Variants in UBE2G1 observed in about 807,000 individuals in gnomAD.
The protein encoded by UBE2G1 is ubiquitin-conjugating enzyme E2 G1.
A neutral mutation model predicts 22.7 loss-of-function variants in UBE2G1; 5 were observed. The observed-to-expected ratio is 0.22, with a 90% CI of 0.12 to 0.46. UBE2G1 has a LOEUF of 0.46. UBE2G1 is among the 20% of genes least tolerant of loss of function. The pLI is 0.99. For missense variants in UBE2G1, 88 were observed against 203.9 expected, an observed-to-expected ratio of 0.43 and a Z score of 3.46; for synonymous variants, 74 against 67.5, an observed-to-expected ratio of 1.10 and a Z score of -0.47.
At chr17:4,357,394 G>C (rs1473201779) in intron 1 of UBE2G1, among the ~76,000 whole-genome samples, 3 of 151,388 alleles carry the variant, frequency 2.0e-5, no homozygotes, top group African/African-American at 7.3e-5. Context: ...ACAAGGTTCA[G>C]GACTATCAGT....
At chr17:4,347,249 T>C (rs1191769163) in intron 1 of UBE2G1, among the ~76,000 whole-genome samples, 1 of 152,124 alleles carries the variant, frequency 6.6e-6, no homozygotes, top group Non-Finnish European at 1.5e-5. Context: ...AATATTTGCA[T>C]ACACATAATG....
At chr17:4,350,354 G>A (rs184960975) in intron 1 of UBE2G1, among the ~76,000 whole-genome samples, 1 of 152,144 alleles carries the variant, frequency 6.6e-6, no homozygotes, top group Admixed American at 6.5e-5. Context: ...AGCTACTCAG[G>A]TGGCTGAGGT....
chr17:4,309,055 T>C (rs1969278736), intron 1 of UBE2G1, among the ~76,000 whole-genome samples: 1 of 151,548 alleles, frequency 6.6e-6, no homozygotes, highest in Non-Finnish European at 1.5e-5. Flanking sequence ...AGGTCAGGAG[T>C]TCAAGACCAG....
At chr17:4,273,752 G>C (rs1195330390) in intron 5 of UBE2G1, among the ~76,000 whole-genome samples, 10 of 152,096 alleles carry the variant, frequency 6.6e-5, no homozygotes, top group African/African-American at 2.4e-4. Flanking sequence ...AGCAGAAAAG[G>C]AAACACCTAT....
Position 4,298,610 on chromosome 17 carries a change from T to A in UBE2G1, c.150-1796A>T, listed in dbSNP as rs906169293. ...GAATAATTAGGAAATGCCACAGGAC[T>A]CAGAGTATAAAGTCAGTGACCTTGA... On this transcript the variant is annotated intron_variant, in intron 2 of 5. Transcript: ENST00000396981. 1.6e-4 allele frequency among the ~76,000 whole-genome samples: 24 copies of A among 152,242 alleles called. No individual in the cohort carries two copies. The East Asian group carries it at 4.6e-3, about 29-fold the overall frequency.
chr17:4,359,461 GAACAT>G (rs1567531874), intron 1 of UBE2G1, among the ~76,000 whole-genome samples: 1 of 152,114 alleles, frequency 6.6e-6, no homozygotes, highest in Non-Finnish European at 1.5e-5. Flanking sequence ...TGCAAATCTA[GAACAT>G]AACTTTATAA....
chr17:4,337,999 T>C (rs1252601874), intron 1 of UBE2G1, among the ~76,000 whole-genome samples: 1 of 151,748 alleles, frequency 6.6e-6, no homozygotes, highest in Non-Finnish European at 1.5e-5. Flanking sequence ...TGAAAACCCA[T>C]CTCTACTAAA....
chr17:4,355,812 C>G (rs545258217), intron 1 of UBE2G1, among the ~76,000 whole-genome samples: 15 of 145,382 alleles, frequency 1.0e-4, no homozygotes, highest in African/African-American at 3.8e-4. Flanking sequence ...GCGATTCTCC[C>G]GCCTCAGCCT....
intron 4 of UBE2G1, among the ~76,000 whole-genome samples, chr17:4,287,295 C>T (rs989069355): frequency 4.0e-5 from 6 of 151,572 alleles, no homozygotes; most frequent in South Asian, 2.1e-4. Context: ...TTAGTTAAGA[C>T]GGGGTTTCAC....
intron 4 of UBE2G1, among the ~76,000 whole-genome samples, chr17:4,286,585 C>T (rs1452949694): frequency 1.3e-5 from 2 of 152,142 alleles, no homozygotes; most frequent in Admixed American, 6.5e-5. Flanking sequence ...TTCAACCTCA[C>T]ATTAAGGCCT....
chr17:4,290,122 C>T (rs916613339), intron 3 of UBE2G1, among the ~76,000 whole-genome samples: 1 of 151,978 alleles, frequency 6.6e-6, no homozygotes, highest in African/African-American at 2.4e-5. Flanking sequence ...AAAAAAGGTC[C>T]TAATCCACTA....
chr17:4,272,426 C>G lies in UBE2G1; in HGVS notation c.*128G>C. ...TGGCATGTTTTATTGCAGCCCAGTT[C>G]CAGCCAGTGTTTGCCAACTTGTACA... On this transcript the variant is annotated 3_prime_UTR_variant, in exon 6 of 6. Transcript: ENST00000396981. 5.4e-6 allele frequency: 1 copy of G among 186,776 alleles called. No individual in the cohort carries two copies. The highest frequency in any genetic ancestry group is 4.2e-5 in the Admixed American group (1 of 23,658). The allele number at this position is 186,776 out of a possible 1,614,324, so 11.6% of individuals were successfully genotyped here. A position where few individuals can be genotyped will look rare whatever the true frequency, so the allele number is the denominator to read the frequency against.
At chr17:4,344,840 TAC>T (rs1413671283) in intron 1 of UBE2G1, among the ~76,000 whole-genome samples, 1 of 152,160 alleles carries the variant, frequency 6.6e-6, no homozygotes, top group African/African-American at 2.4e-5. Context: ...CAGCCTGGGC[TAC>T]AGAGACTCTG....
intron 1 of UBE2G1, among the ~76,000 whole-genome samples, chr17:4,337,653 C>CAA (rs1232841786): frequency 2.2e-5 from 2 of 89,046 alleles, no homozygotes; most frequent in East Asian, 2.9e-4. Context: ...AACTCGGTCT[C>CAA]AAAAAAAAAA....
At chr17:4,350,905 C>T (rs918280499) in intron 1 of UBE2G1, among the ~76,000 whole-genome samples, 1 of 151,788 alleles carries the variant, frequency 6.6e-6, no homozygotes, top group Non-Finnish European at 1.5e-5. Context: ...TGGTGGCAGG[C>T]GCCTGTAGTC....
chr17:4,275,118 TA>T (rs1309697142), intron 5 of UBE2G1, among the ~76,000 whole-genome samples: 1 of 152,054 alleles, frequency 6.6e-6, no homozygotes, highest in Non-Finnish European at 1.5e-5. Flanking sequence ...AAAACAACAC[TA>T]AAATCAGGCG....
chr17:4,313,203 G>T (rs530744226), intron 1 of UBE2G1, among the ~76,000 whole-genome samples: 110 of 152,278 alleles, frequency 7.2e-4, no homozygotes, highest in Non-Finnish European at 1.4e-3. Context: ...CAATTTGAGT[G>T]GAGGTGGTCC....
intron 1 of UBE2G1, among the ~76,000 whole-genome samples, chr17:4,324,153 A>G (rs910199105): frequency 6.6e-6 from 1 of 152,202 alleles, no homozygotes; most frequent in African/African-American, 2.4e-5. Context: ...ATTTGATGCA[A>G]AATGGTATAC....
chr17:4,304,952 A>G (rs1969231212), intron 2 of UBE2G1, among the ~76,000 whole-genome samples: 1 of 147,466 alleles, frequency 6.8e-6, no homozygotes, highest in African/African-American at 2.5e-5. Context: ...TTTTTTAAGA[A>G]CTTTTTTTTT....
Sources: gnomAD v4.1 joint callset for allele counts (sites outside exome capture counted in the v4.1 genomes callset) on GRCh38, gnomAD v4.1.1 for gene constraint, MANE v1.5 for transcripts, NCBI Gene and HGNC (gene_info 2026-07-23, HGNC 2026-07-21) for gene names.